ATRX: variants seen among roughly 807,000 people sequenced by gnomAD.
ATRX encodes ATRX chromatin remodeler.
ATRX carries 12 observed loss-of-function variants against 172.6 expected under a neutral mutation model. The observed-to-expected ratio is 0.07, with a 90% CI of 0.04 to 0.11. ATRX has a LOEUF of 0.11. ATRX is among the 10% of genes least tolerant of loss of function. The pLI is 1.00. For synonymous variants in ATRX, 674 were observed against 594.7 expected (o/e 1.13, Z -1.94); for missense variants, 1,368 against 1,767.4 (o/e 0.77, Z 4.05).
intron 10 of ATRX, among the ~76,000 whole-genome samples, chrX:77,668,782 C>A (rs1340625174): frequency 3.9e-5 from 4 of 101,624 alleles, no homozygotes; most frequent in African/African-American, 1.1e-4. Context: ...AAAGAAAGCA[C>A]AAATAAAATA....
intron 1 of ATRX, among the ~76,000 whole-genome samples, chrX:77,754,697 C>A (rs782315914): frequency 2.7e-5 from 3 of 112,036 alleles, no homozygotes; most frequent in South Asian, 7.4e-4. Flanking sequence ...AGGGTTTCTG[C>A]CCAGATATCC....
In ATRX at chrX:77,586,009, G is replaced by C. The variant is rs998591334; in HGVS notation, c.6217+3825C>G. Among the ~76,000 whole-genome samples the C allele has an allele frequency of 2.7e-5, 3 of 111,469 alleles. No individual in the cohort carries two copies. In the Admixed American group the frequency reaches 2.9e-4, roughly 11 times the overall value. The stretch of plus-strand genomic sequence containing the variant: ...GGCTGGGAAGGGTAGTGGGTGGTTG[G>C]GGTGGAAGTACTGATGGTTAGCAGG... On this transcript the variant is annotated intron_variant, in intron 27 of 34. Coordinates refer to ENST00000373344, the MANE Select transcript of ATRX (RefSeq NM_000489.6).
chrX:77,582,368 C>A (rs2065853947), intron 27 of ATRX, among the ~76,000 whole-genome samples: 1 of 107,418 alleles, frequency 9.3e-6, no homozygotes, highest in Admixed American at 1.0e-4. Context: ...CCACTGTATT[C>A]CAGCCTAGGC....
At chrX:77,753,029 T>C (rs1557188360) in intron 1 of ATRX, among the ~76,000 whole-genome samples, 3 of 111,601 alleles carry the variant, frequency 2.7e-5, no homozygotes, top group African/African-American at 9.8e-5. Context: ...TTGGAATAGT[T>C]TCAGAGGGAA....
chrX:77,769,591 A>G (rs2076090968), intron 1 of ATRX, among the ~76,000 whole-genome samples: 1 of 111,171 alleles, frequency 9.0e-6, no homozygotes, highest in Admixed American at 9.6e-5. Context: ...CAGCCCAAAA[A>G]CTGTTCTTAA....
At chrX:77,509,261 T>C (rs180875498) in intron 34 of ATRX, among the ~76,000 whole-genome samples, 386 of 111,849 alleles carry the variant, frequency 3.5e-3, no homozygotes, top group African/African-American at 0.012. Flanking sequence ...GTAGGAACCT[T>C]TGATATGTAT....
chrX:77,592,728 C>T (rs1310492831), intron 26 of ATRX, among the ~76,000 whole-genome samples: 1 of 108,678 alleles, frequency 9.2e-6, no homozygotes, highest in Non-Finnish European at 1.9e-5. Context: ...AGGAGAATCA[C>T]TTGAACCTGG....
At chrX:77,673,693 C>G in intron 10 of ATRX, among the ~76,000 whole-genome samples, 2 of 110,798 alleles carry the variant, frequency 1.8e-5, no homozygotes, top group South Asian at 7.4e-4. Flanking sequence ...CAGGATATGA[C>G]TAAGTTTTTT....
chrX:77,732,709 A>G (rs1029382291), intron 1 of ATRX, among the ~76,000 whole-genome samples: 1 of 112,146 alleles, frequency 8.9e-6, no homozygotes, highest in Non-Finnish European at 1.9e-5. Flanking sequence ...AAACTATTTG[A>G]TAATATTCAA....
rs1051682 is a variant in ATRX, at chrX:77,681,569, C to T, written c.3687G>A (p.Val1229=). 43 of 1,207,878 alleles carry T rather than the reference C, an allele frequency of 3.6e-5. No homozygotes were observed. The highest frequency in any genetic ancestry group is 4.8e-5 in the Non-Finnish European group (43 of 894,505). The change falls in exon 9 of 35, where the codon GTG becomes GTA. Residue 1229 remains valine (V), a synonymous_variant. Coordinates refer to ENST00000373344, the MANE Select transcript of ATRX (RefSeq NM_000489.6). ...GTGAAGACAGCACTAAATTTTCAGT[C>T]ACAGGCTTAATTTTCTGTTCATCGC... ...GSSDEQKIKP[V]TENLVLSSHT...
chrX:77,559,021 T>C (rs1208353280), intron 28 of ATRX, among the ~76,000 whole-genome samples, 175 bp from the exon 29 acceptor site: 1 of 111,206 alleles, frequency 9.0e-6, no homozygotes, highest in Non-Finnish European at 1.9e-5. Flanking sequence ...TGATAATACA[T>C]ATGCCCAGGA....
At chrX:77,557,422 T>C (rs2064846405) in intron 30 of ATRX, 29 bp downstream of exon 30, 1 of 1,200,721 alleles carries the variant, frequency 8.3e-7, no homozygotes, top group African/African-American at 1.7e-5. Flanking sequence ...CACGTTGGTT[T>C]GTTAAGCCAA....
Position 77,681,968 on chromosome X carries a change from C to T in ATRX, c.3288G>A (p.Leu1096=), listed in dbSNP as rs2148577039. The change falls in exon 9 of 35, where the codon TTG becomes TTA. Residue 1096 remains leucine, a synonymous_variant. Coordinates refer to ENST00000373344, the MANE Select transcript of ATRX (RefSeq NM_000489.6). ...AYGREKKRCK[L]LGKSSRKRQD... Reference sequence around the variant, plus strand: ...GTCTCTTCCTTGAACTCTTTCCAAGCAACTTGCACCTTTTCTTCTCTCTAC... The same window carrying T: ...GTCTCTTCCTTGAACTCTTTCCAAGTAACTTGCACCTTTTCTTCTCTCTAC... The T allele has an allele frequency of 8.3e-7, 1 of 1,210,172 alleles. No homozygotes were observed. Among genetic ancestry groups the T allele is most frequent in the Non-Finnish European group, 1.1e-6 (1 of 894,353 alleles).
chrX:77,772,161 G>A (rs963788299), intron 1 of ATRX, among the ~76,000 whole-genome samples: 1 of 109,175 alleles, frequency 9.2e-6, no homozygotes, highest in Non-Finnish European at 1.9e-5. Context: ...AGCTGGGCAC[G>A]GTGGCATACG....
At chrX:77,621,372 CAATCTTGGGTCA>C (rs2067574192) in intron 19 of ATRX, among the ~76,000 whole-genome samples, 1 of 110,872 alleles carries the variant, frequency 9.0e-6, no homozygotes, top group East Asian at 2.8e-4. Context: ...TGCAGTGGCA[CAATCTTGGGTCA>C]CTGCAACCTC....
chrX:77,754,367 T>C (rs782121225), intron 1 of ATRX, among the ~76,000 whole-genome samples: 20 of 111,941 alleles, frequency 1.8e-4, no homozygotes, highest in African/African-American at 3.9e-4. Flanking sequence ...ATGTGTGAAT[T>C]TGATCCTGTC....
intron 2 of ATRX, among the ~76,000 whole-genome samples, chrX:77,704,472 G>A (rs912214220): frequency 8.9e-6 from 1 of 111,954 alleles, no homozygotes; most frequent in Non-Finnish European, 1.9e-5. Flanking sequence ...CCAACCTCCA[G>A]CCTTCAGGCT....
chrX:77,505,803 T>C lies in ATRX; in HGVS notation c.*2548A>G, dbSNP rs2062695858. 5.9e-6 allele frequency: 1 copy of C among 170,620 alleles called. No individual in the cohort carries two copies. The allele number at this position is 170,620 out of a possible 1,213,427, so 14.1% of individuals were successfully genotyped here. On this transcript the variant is annotated 3_prime_UTR_variant, in exon 35 of 35. Coordinates refer to ENST00000373344, the MANE Select transcript of ATRX (RefSeq NM_000489.6). ...GAATGGTGAAAACACAGATAGTATA[T>C]TGTCATACTTGAATGCTTTTCTTTA...
In ATRX at chrX:77,684,414, T is replaced by C; in HGVS notation, c.842A>G (p.Asn281Ser). Residue 281 changes from asparagine to serine, a missense_variant, in exon 9 of 35, where the codon AAC (asparagine) becomes AGC (serine). Asn to Ser is a conservative substitution (Grantham distance 46, BLOSUM62 1). This residue lies in a region of ATRX where 17 missense variants were observed against 30.3 expected (regional missense o/e 0.56). Coordinates refer to ENST00000373344, the MANE Select transcript of ATRX (RefSeq NM_000489.6). ...CTGTTCTAAATTCTCAAATACGCTGTTACATGCAGTGACCAAGTCCAACAA... is the reference window on the plus strand; with the variant it reads ...CTGTTCTAAATTCTCAAATACGCTGCTACATGCAGTGACCAAGTCCAACAA... ...EPLLDLVTACNSVFENLEQLL... is the reference protein window; with the variant it reads ...EPLLDLVTACSSVFENLEQLL... 1 of 1,211,635 alleles carries C rather than the reference T, an allele frequency of 8.3e-7. No individual in the cohort carries two copies. Among genetic ancestry groups the C allele is most frequent in the Non-Finnish European group, 1.1e-6 (1 of 895,140 alleles).
Sources: gnomAD v4.1 joint callset for allele counts (sites outside exome capture counted in the v4.1 genomes callset) on GRCh38, gnomAD v4.1.1 for gene constraint, gnomAD v4.1.1 regional missense constraint, MANE v1.5 for transcripts, NCBI Gene and HGNC (gene_info 2026-07-23, HGNC 2026-07-21) for gene names.